The following LDLRAD3 variants were observed in gnomAD, a reference collection of about 807,000 sequenced individuals.
LDLRAD3 encodes the protein low-density lipoprotein receptor class A domain-containing protein 3.
Under a neutral mutation model 29.4 loss-of-function variants are expected in LDLRAD3, and 20 were observed. That is an observed-to-expected ratio of 0.68 (90% CI 0.48 to 0.99). LDLRAD3 has a LOEUF of 0.99. Among genes scored for constraint, LDLRAD3 ranks in the 50% least tolerant of loss-of-function variants. LDLRAD3 has a pLI of 0.00. For missense variants in LDLRAD3, 420 were observed against 454.3 expected (o/e 0.92, Z 0.69); for synonymous variants, 157 against 192.7 (o/e 0.81, Z 1.53).
chr11:36,038,231 T>C (rs1852329809), intron 2 of LDLRAD3, among the ~76,000 whole-genome samples: 1 of 152,176 alleles, frequency 6.6e-6, no homozygotes, highest in Non-Finnish European at 1.5e-5. Flanking sequence ...AAAAGTATTA[T>C]TATGTCTATT....
intron 4 of LDLRAD3, among the ~76,000 whole-genome samples, chr11:36,139,045 C>T (rs952351555): frequency 1.3e-5 from 2 of 152,222 alleles, no homozygotes; most frequent in Admixed American, 6.5e-5. Context: ...TCCCTGCTAT[C>T]CCTGTGCTGC....
chr11:35,946,916 A>G (rs1414395311), intron 1 of LDLRAD3, among the ~76,000 whole-genome samples: 1 of 152,220 alleles, frequency 6.6e-6, no homozygotes, highest in African/African-American at 2.4e-5. Flanking sequence ...CAGAGTACAA[A>G]TAAACACACC....
Position 36,086,829 on chromosome 11 carries a change from A to T in LDLRAD3, c.319+5051A>T, listed in dbSNP as rs191228704. Among the ~76,000 whole-genome samples, 516 of 152,330 alleles carry T rather than the reference A, an allele frequency of 3.4e-3. 2 individuals carry two copies. The highest frequency in any genetic ancestry group is 7.0e-3 in the Admixed American group (107 of 15,302). On this transcript the variant is annotated intron_variant, in intron 3 of 5. Transcript: ENST00000315571. ...ATTCTCTTCAGGTTTTTTAAGTGAT[A>T]TTCAGTGGGAAAGCCAGAGTGAGGT...
intron 4 of LDLRAD3, among the ~76,000 whole-genome samples, chr11:36,167,344 G>A (rs1854529481): frequency 6.6e-6 from 1 of 152,200 alleles, no homozygotes; most frequent in Non-Finnish European, 1.5e-5. Flanking sequence ...CTTCACAGCT[G>A]CATCTGGACT....
At chr11:36,217,501 A>G (rs987383905) in intron 4 of LDLRAD3, among the ~76,000 whole-genome samples, 3 of 152,240 alleles carry the variant, frequency 2.0e-5, no homozygotes, top group Non-Finnish European at 4.4e-5. Flanking sequence ...TTCCTCAGGT[A>G]TAGGGAGTAT....
chr11:36,217,935 G>A (rs1233944206), intron 4 of LDLRAD3, among the ~76,000 whole-genome samples: 2 of 152,094 alleles, frequency 1.3e-5, no homozygotes, highest in East Asian at 1.9e-4. Context: ...AGCTCATCTT[G>A]AAACTCTTAC....
intron 4 of LDLRAD3, among the ~76,000 whole-genome samples, chr11:36,172,244 G>C (rs1025219861): frequency 3.3e-5 from 5 of 152,106 alleles, no homozygotes; most frequent in African/African-American, 1.2e-4. Flanking sequence ...AGTCTTTAGG[G>C]TTTTTTAGGT....
intron 5 of LDLRAD3, among the ~76,000 whole-genome samples, chr11:36,228,359 C>T (rs1400687568): frequency 2.0e-5 from 3 of 152,238 alleles, no homozygotes; most frequent in African/African-American, 4.8e-5. Flanking sequence ...AAAGTTCCCA[C>T]TCATAACCTC....
chr11:36,223,416 C>T (rs61881478), intron 4 of LDLRAD3, among the ~76,000 whole-genome samples: 10,087 of 152,222 alleles, frequency 0.066, 428 homozygotes, highest in East Asian at 0.18. Context: ...ACAGTTTACC[C>T]ACTTTCCTCC....
intron 1 of LDLRAD3, among the ~76,000 whole-genome samples, chr11:35,955,055 G>A (rs12791355): frequency 2.0e-5 from 3 of 152,072 alleles, no homozygotes; most frequent in African/African-American, 4.8e-5. Context: ...GACCAGCCTG[G>A]CCAACATGGC....
In LDLRAD3 at chr11:36,201,826, C is replaced by T. The variant is rs182848918; in HGVS notation, c.455-25259C>T. Reference sequence around the variant, plus strand: ...GCAGTTGCTGGAAAGGAGGCAGTCGCGGATGTGGTTTTTCTCAACTCTTCC... The same window carrying T: ...GCAGTTGCTGGAAAGGAGGCAGTCGTGGATGTGGTTTTTCTCAACTCTTCC... On this transcript the variant is annotated intron_variant, in intron 4 of 5. Transcript: ENST00000315571. Among the ~76,000 whole-genome samples the T allele has an allele frequency of 1.1e-4, 16 of 152,302 alleles. 1 individual carries two copies. Among genetic ancestry groups the T allele is most frequent in the Admixed American group, 2.6e-4 (4 of 15,286 alleles).
At chr11:35,983,862 T>A (rs1851575753) in intron 1 of LDLRAD3, among the ~76,000 whole-genome samples, 1 of 152,148 alleles carries the variant, frequency 6.6e-6, no homozygotes, top group East Asian at 1.9e-4. Context: ...TGACCTCAAG[T>A]GATCCGCCTG....
intron 4 of LDLRAD3, among the ~76,000 whole-genome samples, chr11:36,128,141 T>TATATATA (rs1250416156): frequency 2.7e-4 from 35 of 129,492 alleles, no homozygotes; most frequent in South Asian, 5.4e-4. Flanking sequence ...TATATGTATA[T>TATATATA]GACATGTAGG....
At chr11:36,000,049 G>C (rs1015833661) in intron 1 of LDLRAD3, among the ~76,000 whole-genome samples, 2 of 152,078 alleles carry the variant, frequency 1.3e-5, no homozygotes, top group African/African-American at 4.8e-5. Flanking sequence ...ATCCAGCAAC[G>C]AAAATGAATA....
intron 4 of LDLRAD3, among the ~76,000 whole-genome samples, chr11:36,110,866 G>C (rs1214407846): frequency 6.6e-6 from 1 of 152,124 alleles, no homozygotes; most frequent in African/African-American, 2.4e-5. Flanking sequence ...TTTTCCTAGG[G>C]GGATATGGCA....
chr11:36,227,398 A>G lies in LDLRAD3; in HGVS notation c.768A>G (p.Pro256=). The change falls in exon 5 of 6, where the codon CCA becomes CCG. Residue 256 remains proline, a synonymous_variant. Transcript: ENST00000315571. ...AEQNASEVGS[P]PSYSEALLDQ... ...AGAATGCGTCGGAAGTAGGCTCCCC[A>G]CCCTCCTACTCCGAGGCCTTGCTGG... 6.3e-7 allele frequency: 1 copy of G among 1,599,158 alleles called. No homozygotes were observed. Among genetic ancestry groups the G allele is most frequent in the Non-Finnish European group, 8.5e-7 (1 of 1,172,738 alleles).
chr11:36,019,323 A>C (rs564234968), intron 1 of LDLRAD3, among the ~76,000 whole-genome samples: 2 of 152,218 alleles, frequency 1.3e-5, no homozygotes, highest in Non-Finnish European at 2.9e-5. Flanking sequence ...CTTGATTGAC[A>C]AAAGGAGAGA....
At chr11:36,106,562 G>A (rs1252195236) in intron 4 of LDLRAD3, among the ~76,000 whole-genome samples, 1 of 152,218 alleles carries the variant, frequency 6.6e-6, no homozygotes, top group Admixed American at 6.5e-5. Flanking sequence ...ACCCCAGGAG[G>A]AGGGTCCTAA....
chr11:35,978,784 G>C (rs1851505671), intron 1 of LDLRAD3, among the ~76,000 whole-genome samples: 1 of 152,204 alleles, frequency 6.6e-6, no homozygotes, highest in Non-Finnish European at 1.5e-5. Flanking sequence ...TGCATTCAGA[G>C]TTGTTTCTCT....
Sources: gnomAD v4.1 joint callset for allele counts (sites outside exome capture counted in the v4.1 genomes callset) on GRCh38, gnomAD v4.1.1 for gene constraint, MANE v1.5 for transcripts, NCBI Gene and HGNC (gene_info 2026-07-23, HGNC 2026-07-21) for gene names.